The following TMEM178B variants were observed in gnomAD, a reference collection of about 807,000 sequenced individuals.
TMEM178B encodes the protein transmembrane protein 178B.
Under a neutral mutation model 31.0 loss-of-function variants are expected in TMEM178B, and 5 were observed. That is an observed-to-expected ratio of 0.16 (90% confidence interval 0.08 to 0.34). The LOEUF (loss-of-function observed/expected upper bound fraction) is 0.34. Among genes scored for constraint, TMEM178B ranks in the 10% least tolerant of loss-of-function variants. TMEM178B has a pLI of 1.00. For synonymous variants in TMEM178B, 164 were observed against 164.0 expected, an observed-to-expected ratio of 1.00 and a Z score of 0.00; for missense variants, 275 against 400.3, an observed-to-expected ratio of 0.69 and a Z score of 2.67.
intron 1 of TMEM178B, among the ~76,000 whole-genome samples, chr7:141,200,687 T>G (rs1796861997): frequency 6.6e-6 from 1 of 152,156 alleles, no homozygotes; most frequent in South Asian, 2.1e-4. Flanking sequence ...TGGATACGGT[T>G]CTTAGACATA....
At chr7:141,487,784 G>A in the TMEM178B span, among the ~76,000 whole-genome samples, 1 of 142,038 alleles carries the variant, frequency 7.0e-6, no homozygotes, top group Admixed American at 7.2e-5. Context: ...TGGACTTCAC[G>A]ACCTCCCTTG....
At chr7:141,351,569 C>G (rs1586907972) in intron 2 of TMEM178B, among the ~76,000 whole-genome samples, 1 of 152,226 alleles carries the variant, frequency 6.6e-6, no homozygotes, top group African/African-American at 2.4e-5. Context: ...AAGACCCCAC[C>G]CCTTGATAAG....
chr7:141,210,582 G>A (rs184750049), intron 1 of TMEM178B, among the ~76,000 whole-genome samples: 66 of 152,294 alleles, frequency 4.3e-4, no homozygotes, highest in African/African-American at 1.5e-3. Flanking sequence ...TCCCACTGGT[G>A]GAATAAGTCC....
At position 141,212,638 on chromosome 7, in the gene TMEM178B, A is replaced by G. The variant is rs916877883; in HGVS notation, c.430A>G (p.Thr144Ala). The G allele has an allele frequency of 1.3e-6, 2 of 1,536,090 alleles. No homozygotes were observed. The highest frequency in any genetic ancestry group is 8.7e-7 in the Non-Finnish European group (1 of 1,146,900). ...TYIKYHYSSA[T>A]IPRNLTFNIT... Reference sequence around the variant, plus strand: ...CATCAAATACCACTACTCCTCAGCAACCATCCCCAGGAACCTCACTTTCAA... The same window carrying G: ...CATCAAATACCACTACTCCTCAGCAGCCATCCCCAGGAACCTCACTTTCAA... Residue 144 changes from threonine to alanine, a missense_variant, in exon 2 of 4, where the codon ACC (threonine) becomes GCC (alanine). Transcript: ENST00000565468.
intron 2 of TMEM178B, among the ~76,000 whole-genome samples, chr7:141,345,473 T>A (rs1799602670): frequency 2.6e-5 from 4 of 152,216 alleles, no homozygotes. Context: ...CTAGTCTCTT[T>A]CTTTGCCAAG....
chr7:141,360,337 G>C (rs1016737188), intron 2 of TMEM178B, among the ~76,000 whole-genome samples: 1 of 152,200 alleles, frequency 6.6e-6, no homozygotes. Flanking sequence ...TGCTCTCATA[G>C]AAACTCCTTT....
At chr7:141,180,498 G>C (rs967288473) in intron 1 of TMEM178B, among the ~76,000 whole-genome samples, 2 of 146,770 alleles carry the variant, frequency 1.4e-5, no homozygotes, top group African/African-American at 5.0e-5. Flanking sequence ...GAAAGAAAAA[G>C]AAAATATAAA....
chr7:141,159,537 C>T lies in TMEM178B; in HGVS notation c.383-53054C>T, dbSNP rs141110163. 4.0e-3 allele frequency among the ~76,000 whole-genome samples: 605 copies of T among 152,246 alleles called. 6 individuals carry two copies. Among genetic ancestry groups the T allele is most frequent in the African/African-American group, 0.014 (581 of 41,528 alleles). The stretch of plus-strand genomic sequence containing the variant: ...TGCATTATTCACAGTAGCCAAAAGG[C>T]GGAAGCAACCCACGTGTTCACCGAC... On this transcript the variant is annotated intron_variant, in intron 1 of 3. Transcript: ENST00000565468.
intron 3 of TMEM178B, among the ~76,000 whole-genome samples, chr7:141,465,494 C>T (rs777821717): frequency 2.0e-5 from 3 of 152,124 alleles, no homozygotes; most frequent in Non-Finnish European, 2.9e-5. Flanking sequence ...CAGTCAGGGT[C>T]CTTGCCCATA....
chr7:141,460,579 G>A (rs1802043094), intron 3 of TMEM178B, among the ~76,000 whole-genome samples: 1 of 152,238 alleles, frequency 6.6e-6, no homozygotes, highest in Non-Finnish European at 1.5e-5. Context: ...ATAGGAATCT[G>A]GATGTATTCT....
chr7:141,243,811 C>T (rs890397744), intron 2 of TMEM178B, among the ~76,000 whole-genome samples: 1 of 152,116 alleles, frequency 6.6e-6, no homozygotes, highest in African/African-American at 2.4e-5. Flanking sequence ...GTAATAGTGG[C>T]GAGTGTATTT....
intron 1 of TMEM178B, among the ~76,000 whole-genome samples, chr7:141,085,602 T>C (rs1370648553): frequency 3.3e-5 from 5 of 151,486 alleles, no homozygotes; most frequent in African/African-American, 1.2e-4. Context: ...GCTCACTCTG[T>C]TGGACACTTT....
intron 2 of TMEM178B, among the ~76,000 whole-genome samples, chr7:141,373,336 G>GCAAACAACAACAACAA (rs1462097375): frequency 6.6e-6 from 1 of 152,122 alleles, no homozygotes; most frequent in Non-Finnish European, 1.5e-5. Flanking sequence ...AACAACAACA[G>GCAAACAACAACAACAA]CAAACAACAA....
intron 2 of TMEM178B, among the ~76,000 whole-genome samples, chr7:141,416,753 T>C (rs1801104774): frequency 6.6e-6 from 1 of 152,106 alleles, no homozygotes; most frequent in Admixed American, 6.5e-5. Context: ...AAAGACAACA[T>C]CAAGGGCAGA....
intron 1 of TMEM178B, among the ~76,000 whole-genome samples, chr7:141,193,505 C>T (rs1202162890): frequency 6.6e-6 from 1 of 152,204 alleles, no homozygotes; most frequent in Non-Finnish European, 1.5e-5. Context: ...CCTGGGGTCC[C>T]AGGGGGTACC....
rs571816789 is a variant in TMEM178B, at chr7:141,270,760, C to T, written c.496+58056C>T. On this transcript the variant is annotated intron_variant, in intron 2 of 3. Coordinates refer to ENST00000565468, the MANE Select transcript of TMEM178B (RefSeq NM_001195278.2). ...CCTTCGCTGCTAAATGTTGTCATGT[C>T]CTTAGTAACGATGTCGTTATCTCTC... Among the ~76,000 whole-genome samples the T allele has an allele frequency of 2.0e-5, 3 of 152,314 alleles. No individual in the cohort carries two copies. The South Asian group carries it at 6.2e-4, about 32-fold the overall frequency.
chr7:141,080,202 T>C (rs1270556141), intron 1 of TMEM178B, among the ~76,000 whole-genome samples: 1 of 152,258 alleles, frequency 6.6e-6, no homozygotes, highest in African/African-American at 2.4e-5. Context: ...GCTGAAATTA[T>C]AGACATGAAG....
chr7:141,162,368 C>T (rs937541071), intron 1 of TMEM178B, among the ~76,000 whole-genome samples: 1 of 152,232 alleles, frequency 6.6e-6, no homozygotes, highest in African/African-American at 2.4e-5. Flanking sequence ...GCATGCGATA[C>T]ACCCTGGGCT....
At chr7:141,305,709 A>T (rs1798805296) in intron 2 of TMEM178B, among the ~76,000 whole-genome samples, 3 of 152,192 alleles carry the variant, frequency 2.0e-5, no homozygotes, top group Admixed American at 2.0e-4. Flanking sequence ...TGCTGGGATT[A>T]CAGGCATGAG....
Sources: allele counts gnomAD v4.1 joint callset (sites outside exome capture counted in the v4.1 genomes callset), GRCh38; gene constraint gnomAD v4.1.1; transcripts MANE v1.5; gene names NCBI Gene and HGNC (gene_info 2026-07-23, HGNC 2026-07-21).